The following RBFOX1 variants were observed in gnomAD, a reference collection of about 807,000 sequenced individuals.
RBFOX1 encodes RNA binding protein fox-1 homolog 1.
RBFOX1 carries 8 observed loss-of-function variants against 57.7 expected under a neutral mutation model. The observed-to-expected ratio is 0.14, with a 90% CI of 0.08 to 0.25. The LOEUF (loss-of-function observed/expected upper bound fraction) is 0.25. Among genes scored for constraint, RBFOX1 ranks in the 10% least tolerant of loss-of-function variants. The pLI, the probability that RBFOX1 is intolerant of heterozygous loss-of-function variation, is 1.00. For synonymous variants in RBFOX1, 326 were observed against 222.4 expected (o/e 1.47, Z -4.15); for missense variants, 611 against 548.5 (o/e 1.11, Z -1.14).
chr16:7,204,168 A>T (rs1212630315), intron 4 of RBFOX1, among the ~76,000 whole-genome samples: 1 of 152,220 alleles, frequency 6.6e-6, no homozygotes. Context: ...TTACTTTCTC[A>T]GAGTAACCAT....
chr16:6,903,908 A>T (rs74648452), intron 3 of RBFOX1, among the ~76,000 whole-genome samples: 1 of 152,064 alleles, frequency 6.6e-6, no homozygotes, highest in East Asian at 1.9e-4. Flanking sequence ...TCAAGCTGCC[A>T]GGGAGGATGT....
chr16:7,072,383 G>A (rs1447661720), intron 4 of RBFOX1, among the ~76,000 whole-genome samples: 1 of 152,054 alleles, frequency 6.6e-6, no homozygotes, highest in Non-Finnish European at 1.5e-5. Flanking sequence ...GGTTTACTTG[G>A]TCATGGTTTC....
chr16:5,824,339 C>T (rs576160990), intron 3 of RBFOX1, among the ~76,000 whole-genome samples: 3 of 152,244 alleles, frequency 2.0e-5, no homozygotes, highest in East Asian at 1.9e-4. Flanking sequence ...CAAGTGTGTC[C>T]TTCTTACAGT....
At chr16:5,773,476 T>A (rs1263522452) in intron 3 of RBFOX1, among the ~76,000 whole-genome samples, 5 of 152,236 alleles carry the variant, frequency 3.3e-5, no homozygotes. Context: ...GTGTCGTAGT[T>A]GATTCTAACA....
intron 3 of RBFOX1, among the ~76,000 whole-genome samples, chr16:7,018,863 A>G (rs1472599850): frequency 6.6e-6 from 1 of 152,110 alleles, no homozygotes; most frequent in Non-Finnish European, 1.5e-5. Context: ...TGACGACTGT[A>G]ATCTCAGCAC....
At position 7,456,923 on chromosome 16, in the gene RBFOX1, C is replaced by G. The variant is rs142039687; in HGVS notation, c.28-61224C>G. ...TTTTTTTTTTTGAAACGGAGTTTCG[C>G]TCTTGTTGCCCAGGCTGAGTGCAAT... On this transcript the variant is annotated intron_variant, in intron 4 of 15. Transcript: ENST00000550418. Among the ~76,000 whole-genome samples the G allele has an allele frequency of 2.3e-3, 350 of 151,838 alleles. 5 individuals carry two copies. Among genetic ancestry groups the G allele is most frequent in the Admixed American group, 0.021 (318 of 15,258 alleles).
intron 3 of RBFOX1, among the ~76,000 whole-genome samples, chr16:5,864,023 C>G (rs773086221): frequency 6.6e-6 from 1 of 152,078 alleles, no homozygotes; most frequent in Non-Finnish European, 1.5e-5. Context: ...AGCCTAGTGC[C>G]CATTATTTTT....
At chr16:7,670,323 C>A (rs552173354) in intron 13 of RBFOX1, among the ~76,000 whole-genome samples, 1 of 152,144 alleles carries the variant, frequency 6.6e-6, no homozygotes. Flanking sequence ...TCAGCCACCA[C>A]GTGTGGCCAA....
At chr16:6,813,705 C>G (rs1258552649) in intron 3 of RBFOX1, among the ~76,000 whole-genome samples, 2 of 152,128 alleles carry the variant, frequency 1.3e-5, no homozygotes, top group Non-Finnish European at 2.9e-5. Context: ...ACTCTCTCAC[C>G]CTATCAAAAT....
At chr16:7,306,583 G>A (rs949567996) in intron 4 of RBFOX1, among the ~76,000 whole-genome samples, 35 of 147,470 alleles carry the variant, frequency 2.4e-4, no homozygotes, top group African/African-American at 8.1e-4. Context: ...TGGTGTGCGT[G>A]TGTGTGTGTG....
intron 4 of RBFOX1, among the ~76,000 whole-genome samples, chr16:5,998,382 G>C (rs1175395492): frequency 2.0e-5 from 3 of 152,198 alleles, no homozygotes; most frequent in Non-Finnish European, 4.4e-5. Context: ...AAGAAATAGA[G>C]TGAGGAATTA....
At chr16:6,541,481 C>T (rs769506709) in intron 2 of RBFOX1, among the ~76,000 whole-genome samples, 2 of 152,072 alleles carry the variant, frequency 1.3e-5, no homozygotes, top group African/African-American at 4.8e-5. Context: ...AGTGATCTGC[C>T]GAGAAAGATG....
intron 3 of RBFOX1, among the ~76,000 whole-genome samples, chr16:6,958,523 A>G (rs778365538): frequency 6.6e-6 from 1 of 152,230 alleles, no homozygotes; most frequent in African/African-American, 2.4e-5. Context: ...ATTCAATAAC[A>G]GAGGAAACAC....
chr16:5,957,744 C>T (rs909180724), intron 4 of RBFOX1, among the ~76,000 whole-genome samples: 3 of 152,154 alleles, frequency 2.0e-5, no homozygotes, highest in African/African-American at 7.2e-5. Flanking sequence ...TACACGCATG[C>T]AATGTACCAC....
chr16:5,418,608 C>T (rs1441807473), intron 1 of RBFOX1, among the ~76,000 whole-genome samples: 7 of 151,970 alleles, frequency 4.6e-5, no homozygotes, highest in Admixed American at 2.0e-4. Context: ...ATTTATAGGA[C>T]GAAGATGACT....
At chr16:7,144,512 C>T (rs1028929330) in intron 4 of RBFOX1, among the ~76,000 whole-genome samples, 3 of 141,610 alleles carry the variant, frequency 2.1e-5, no homozygotes, top group South Asian at 2.3e-4. Flanking sequence ...GCAGCCTTAA[C>T]GTCCCAGGCT....
intron 3 of RBFOX1, among the ~76,000 whole-genome samples, chr16:6,938,969 T>G (rs924748137): frequency 1.1e-4 from 17 of 151,982 alleles, no homozygotes; most frequent in African/African-American, 3.4e-4. Flanking sequence ...GAATGGAGAT[T>G]TTGCCCAGGA....
intron 3 of RBFOX1, among the ~76,000 whole-genome samples, chr16:6,878,018 G>A (rs1420383731): frequency 6.6e-6 from 1 of 152,120 alleles, no homozygotes; most frequent in African/African-American, 2.4e-5. Flanking sequence ...GGAATTTAAG[G>A]ATGTTGTTGC....
At chr16:7,238,175 G>C (rs1458289521) in intron 4 of RBFOX1, among the ~76,000 whole-genome samples, 2 of 152,106 alleles carry the variant, frequency 1.3e-5, no homozygotes, top group African/African-American at 4.8e-5. Context: ...TCGTTACCAA[G>C]GGCTGGGAGA....
Sources: allele counts gnomAD v4.1 joint callset (sites outside exome capture counted in the v4.1 genomes callset), GRCh38; gene constraint gnomAD v4.1.1; transcripts MANE v1.5; gene names NCBI Gene and HGNC (gene_info 2026-07-23, HGNC 2026-07-21).